The following ITPK1 variants were observed in gnomAD, a reference collection of about 807,000 sequenced individuals.
ITPK1 encodes the protein inositol-tetrakisphosphate 1-kinase.
ITPK1 carries 21 observed loss-of-function variants against 45.3 expected under a neutral mutation model. The observed-to-expected ratio is 0.46, with a 90% CI of 0.33 to 0.67. The LOEUF is 0.67. Among genes scored for constraint, ITPK1 ranks in the 30% least tolerant of loss-of-function variants. The probability of loss-of-function intolerance (pLI) is 0.02; values close to 1 mark genes in which losing one functional copy is unlikely to be tolerated. For missense variants in ITPK1, 474 were observed against 573.5 expected (o/e 0.83, Z 1.77); for synonymous variants, 258 against 253.6 (o/e 1.02, Z -0.16).
chr14:93,090,593 C>A (rs541115786), intron 2 of ITPK1, among the ~76,000 whole-genome samples: 1 of 152,170 alleles, frequency 6.6e-6, no homozygotes, highest in African/African-American at 2.4e-5. Flanking sequence ...GGAATGAGCC[C>A]CATTTGCAGG....
intron 4 of ITPK1, among the ~76,000 whole-genome samples, chr14:93,013,453 C>T (rs577074824): frequency 6.6e-6 from 1 of 152,316 alleles, no homozygotes; most frequent in East Asian, 1.9e-4. Context: ...AATTTCTTCC[C>T]TCCCTGGGGA....
chr14:92,975,819 C>T (rs369748616), intron 5 of ITPK1, among the ~76,000 whole-genome samples: 1 of 152,208 alleles, frequency 6.6e-6, no homozygotes, highest in Non-Finnish European at 1.5e-5. Flanking sequence ...TATGGTTTGG[C>T]TGTGTCCCCA....
chr14:92,954,479 C>T (rs1215401336), intron 8 of ITPK1, among the ~76,000 whole-genome samples: 4 of 152,194 alleles, frequency 2.6e-5, no homozygotes, highest in South Asian at 2.1e-4. Context: ...CCCTCACTCA[C>T]GACAGCACCC....
Position 92,938,496 on chromosome 14 carries a change from C to T in ITPK1, c.*3065G>A, listed in dbSNP as rs1012435695. ...CAGCTTCCTACTTCAGTCGGTCTTC[C>T]AGCCTTCTATAAAGCACACTTGGCA... On this transcript the variant is annotated 3_prime_UTR_variant, in exon 11 of 11. Coordinates refer to ENST00000267615, the MANE Select transcript of ITPK1 (RefSeq NM_014216.6). 76 of 1,613,328 alleles carry T rather than the reference C, an allele frequency of 4.7e-5. No homozygotes were observed. Among genetic ancestry groups the T allele is most frequent in the Non-Finnish European group, 6.4e-5 (75 of 1,179,346 alleles).
At chr14:92,969,516 C>T (rs1210650713) in intron 5 of ITPK1, among the ~76,000 whole-genome samples, 2 of 152,312 alleles carry the variant, frequency 1.3e-5, no homozygotes, top group Middle Eastern at 3.4e-3. Flanking sequence ...TGGGAAGGAA[C>T]CAGGCCCAGC....
At chr14:93,065,601 C>T (rs1184203951) in intron 3 of ITPK1, among the ~76,000 whole-genome samples, 6 of 152,224 alleles carry the variant, frequency 3.9e-5, no homozygotes, top group African/African-American at 1.4e-4. Flanking sequence ...GTGCTGGACA[C>T]AGCTGACTAG....
intron 2 of ITPK1, among the ~76,000 whole-genome samples, chr14:93,088,164 G>T (rs566816766): frequency 6.6e-6 from 1 of 152,070 alleles, no homozygotes; most frequent in Non-Finnish European, 1.5e-5. Flanking sequence ...AGTAATCCCC[G>T]AGCTCTCTCG....
At chr14:92,943,579 G>C (rs1002602240) in intron 10 of ITPK1, among the ~76,000 whole-genome samples, 1 of 152,226 alleles carries the variant, frequency 6.6e-6, no homozygotes, top group South Asian at 2.1e-4. Flanking sequence ...TCAGGTCAGC[G>C]CCAGGGAACA....
At chr14:93,003,038 G>A (rs1566727822) in intron 4 of ITPK1, among the ~76,000 whole-genome samples, 1 of 152,240 alleles carries the variant, frequency 6.6e-6, no homozygotes. Flanking sequence ...CCTCTGTGAG[G>A]AGGGTCCGCG....
At chr14:93,044,099 TG>T (rs936229018) in intron 3 of ITPK1, among the ~76,000 whole-genome samples, 2 of 139,250 alleles carry the variant, frequency 1.4e-5, no homozygotes, top group Non-Finnish European at 3.1e-5. Context: ...TGGGAGGGGT[TG>T]GGGGGGAGGT....
At chr14:93,075,295 C>T (rs2139980891) in intron 3 of ITPK1, among the ~76,000 whole-genome samples, 1 of 119,312 alleles carries the variant, frequency 8.4e-6, no homozygotes, top group South Asian at 2.9e-4. Context: ...CCACTGCATT[C>T]CAGCCTCCAC....
chr14:93,017,907 C>T (rs1336762860), intron 3 of ITPK1, among the ~76,000 whole-genome samples: 1 of 152,238 alleles, frequency 6.6e-6, no homozygotes. Context: ...AGTGATTTTA[C>T]GAATGAGAAA....
At chr14:92,981,921 C>A (rs1401505988) in intron 5 of ITPK1, among the ~76,000 whole-genome samples, 1 of 152,140 alleles carries the variant, frequency 6.6e-6, no homozygotes, top group Non-Finnish European at 1.5e-5. Flanking sequence ...GTCCTGGGGA[C>A]CAAGAGTATT....
At chr14:93,090,992 GA>G (rs1891844472) in intron 2 of ITPK1, among the ~76,000 whole-genome samples, 1 of 152,100 alleles carries the variant, frequency 6.6e-6, no homozygotes, top group Admixed American at 6.6e-5. Context: ...AATCACCATG[GA>G]AAGGTTTCCC....
At chr14:93,035,629 C>A (rs1302290918) in intron 3 of ITPK1, among the ~76,000 whole-genome samples, 1 of 152,228 alleles carries the variant, frequency 6.6e-6, no homozygotes, top group Non-Finnish European at 1.5e-5. Flanking sequence ...CCGCAGAAAC[C>A]TGTCTGGCTG....
intron 4 of ITPK1, among the ~76,000 whole-genome samples, chr14:93,009,417 AC>A (rs1489518746): frequency 1.3e-5 from 2 of 152,154 alleles, no homozygotes; most frequent in African/African-American, 4.8e-5. Context: ...CCCTGTCCCA[AC>A]TGGGCTGCAC....
At position 93,034,405 on chromosome 14, in the gene ITPK1, C is replaced by T. The variant is rs1405506649; in HGVS notation, c.121-17604G>A. 6.6e-6 allele frequency among the ~76,000 whole-genome samples: 1 copy of T among 152,216 alleles called. No homozygotes were observed. Among genetic ancestry groups the T allele is most frequent in the Non-Finnish European group, 1.5e-5 (1 of 68,030 alleles). On this transcript the variant is annotated intron_variant, in intron 3 of 10. Coordinates refer to ENST00000267615, the MANE Select transcript of ITPK1 (RefSeq NM_014216.6). This position sits in a 1 kb window ranked among gnomAD's most constrained non-coding sequence, Gnocchi z 4.1. ...GACCCAGAAAACTCTTCTGGGGGCC[C>T]TACAGGCCTCCTCAGAGGGCGACTC...
intron 3 of ITPK1, among the ~76,000 whole-genome samples, chr14:93,028,154 C>T (rs763449399): frequency 1.1e-4 from 16 of 152,202 alleles, no homozygotes; most frequent in Non-Finnish European, 2.1e-4. Flanking sequence ...TGGGAGCAGA[C>T]GTAGTGGGTG....
intron 3 of ITPK1, among the ~76,000 whole-genome samples, chr14:93,075,378 A>G (rs1891180122): frequency 6.6e-6 from 1 of 150,874 alleles, no homozygotes; most frequent in South Asian, 2.1e-4. Flanking sequence ...GAAAAAAGAA[A>G]AATCTAGTGC....
Sources: allele counts gnomAD v4.1 joint callset (sites outside exome capture counted in the v4.1 genomes callset), GRCh38; gene constraint gnomAD v4.1.1; non-coding constraint Gnocchi (gnomAD v3.1); transcripts MANE v1.5; gene names NCBI Gene and HGNC (gene_info 2026-07-23, HGNC 2026-07-21).